PPFIA2: variants seen among roughly 807,000 people sequenced by gnomAD.
PPFIA2 encodes PPFI scaffold protein A2.
PPFIA2 carries 46 observed loss-of-function variants against 175.5 expected under a neutral mutation model. The observed-to-expected ratio is 0.26, with a 90% CI of 0.21 to 0.34. PPFIA2 has a LOEUF of 0.34. PPFIA2 is among the 10% of genes least tolerant of loss of function. PPFIA2 has a pLI of 1.00. For missense variants in PPFIA2, 1,179 were observed against 1,506.1 expected (o/e 0.78, Z 3.60); for synonymous variants, 568 against 511.4 (o/e 1.11, Z -1.49).
At chr12:81,644,325 A>G (rs943188926) in intron 4 of PPFIA2, among the ~76,000 whole-genome samples, 3 of 152,034 alleles carry the variant, frequency 2.0e-5, no homozygotes, top group Admixed American at 6.6e-5. Flanking sequence ...ATCGCTGGTT[A>G]TATGTAAGTT....
At chr12:81,546,741 T>A (rs2067061495) in intron 4 of PPFIA2, among the ~76,000 whole-genome samples, 1 of 152,086 alleles carries the variant, frequency 6.6e-6, no homozygotes, top group Non-Finnish European at 1.5e-5. Context: ...TTTTTTTTTT[T>A]AACATTTCAG....
chr12:81,484,611 G>A (rs576703761), intron 4 of PPFIA2, among the ~76,000 whole-genome samples: 3 of 151,920 alleles, frequency 2.0e-5, no homozygotes, highest in East Asian at 1.9e-4. Flanking sequence ...AGAGTACTAC[G>A]GAAATGAATT....
At chr12:81,677,684 G>A (rs1596313690) in intron 3 of PPFIA2, among the ~76,000 whole-genome samples, 1 of 151,672 alleles carries the variant, frequency 6.6e-6, no homozygotes, top group Admixed American at 6.6e-5. Context: ...TATAACTATG[G>A]TCTACTCTAT....
At position 81,502,599 on chromosome 12, in the gene PPFIA2, T is replaced by C. The variant is rs147909913; in HGVS notation, c.304-44733A>G. On this transcript the variant is annotated intron_variant, in intron 4 of 32. Transcript: ENST00000549396. ...AGGCATATCTGCCTAATACTCTTCA[T>C]TGATGATTCATTCGTTCATCCTAAA... 5.3e-5 allele frequency among the ~76,000 whole-genome samples: 8 copies of C among 152,308 alleles called. 1 individual carries two copies. Among genetic ancestry groups the C allele is most frequent in the African/African-American group, 1.9e-4 (8 of 41,580 alleles).
intron 4 of PPFIA2, among the ~76,000 whole-genome samples, chr12:81,650,735 A>G (rs1227385027): frequency 6.6e-6 from 1 of 152,228 alleles, no homozygotes; most frequent in Admixed American, 6.5e-5. Flanking sequence ...ATTAAGAATC[A>G]AAAGAAATAT....
intron 4 of PPFIA2, among the ~76,000 whole-genome samples, chr12:81,471,759 A>G (rs892418245): frequency 6.6e-6 from 1 of 151,992 alleles, no homozygotes; most frequent in Non-Finnish European, 1.5e-5. Context: ...TTACATTTCC[A>G]CCAACAGTGA....
chr12:81,399,626 T>G (rs1212623323), intron 8 of PPFIA2, among the ~76,000 whole-genome samples: 2 of 152,142 alleles, frequency 1.3e-5, no homozygotes, highest in African/African-American at 4.8e-5. Flanking sequence ...AACCTTACTC[T>G]TTTGGTCCCT....
At chr12:81,399,281 CCTT>C (rs1265515458) in intron 8 of PPFIA2, among the ~76,000 whole-genome samples, 10 of 130,622 alleles carry the variant, frequency 7.7e-5, no homozygotes, top group Non-Finnish European at 1.3e-4. Flanking sequence ...TTGGAAATAT[CCTT>C]CTTCACAAAA....
intron 17 of PPFIA2, among the ~76,000 whole-genome samples, chr12:81,349,450 A>G (rs1220923753): frequency 6.6e-6 from 1 of 152,178 alleles, no homozygotes; most frequent in Non-Finnish European, 1.5e-5. Context: ...TCATGAATGC[A>G]TTTTTTAACT....
At chr12:81,495,732 T>C (rs2059959139) in intron 4 of PPFIA2, among the ~76,000 whole-genome samples, 2 of 152,174 alleles carry the variant, frequency 1.3e-5, no homozygotes, top group Non-Finnish European at 1.5e-5. Flanking sequence ...GGAGAATCAC[T>C]TGGGCCCCAG....
intron 4 of PPFIA2, among the ~76,000 whole-genome samples, chr12:81,663,852 T>A (rs1461193056): frequency 2.0e-5 from 3 of 152,028 alleles, no homozygotes; most frequent in Admixed American, 6.5e-5. Flanking sequence ...TATAGACCAA[T>A]GGAACAGAAT....
chr12:81,527,572 T>G (rs1307164413), intron 4 of PPFIA2, among the ~76,000 whole-genome samples: 2 of 152,130 alleles, frequency 1.3e-5, no homozygotes, highest in Admixed American at 1.3e-4. Flanking sequence ...AATGGAACCT[T>G]CTCAGGCAAG....
chr12:81,561,705 A>G (rs1454403549), intron 4 of PPFIA2, among the ~76,000 whole-genome samples: 1 of 152,222 alleles, frequency 6.6e-6, no homozygotes. Context: ...GGAATTAGTA[A>G]CAGACGCAAG....
intron 5 of PPFIA2, among the ~76,000 whole-genome samples, chr12:81,454,400 T>C (rs369747410): frequency 6.6e-6 from 1 of 152,192 alleles, no homozygotes; most frequent in Non-Finnish European, 1.5e-5. Flanking sequence ...AAGCCATTTA[T>C]AGGCCTGGGA....
chr12:81,481,440 A>G (rs1327967865), intron 4 of PPFIA2, among the ~76,000 whole-genome samples: 3 of 152,120 alleles, frequency 2.0e-5, no homozygotes, highest in East Asian at 1.9e-4. Context: ...CCAAGACAAT[A>G]CTAAACAAAA....
At chr12:81,297,363 T>C (rs2046729960) in intron 23 of PPFIA2, among the ~76,000 whole-genome samples, 1 of 152,126 alleles carries the variant, frequency 6.6e-6, no homozygotes, top group South Asian at 2.1e-4. Context: ...ATCCTTTTAG[T>C]TGAAAAATTC....
At chr12:81,377,745 T>C (rs1213792058) in intron 9 of PPFIA2, among the ~76,000 whole-genome samples, 1 of 152,096 alleles carries the variant, frequency 6.6e-6, no homozygotes, top group Non-Finnish European at 1.5e-5. Flanking sequence ...AATACTTTTA[T>C]TTCTTCCCCT....
intron 3 of PPFIA2, among the ~76,000 whole-genome samples, chr12:81,694,089 G>A (rs1367718440): frequency 6.6e-6 from 1 of 152,042 alleles, no homozygotes; most frequent in African/African-American, 2.4e-5. Flanking sequence ...AATGCATAAA[G>A]TTTGGAAAAT....
At chr12:81,511,342 A>C (rs2061772090) in intron 4 of PPFIA2, among the ~76,000 whole-genome samples, 1 of 152,246 alleles carries the variant, frequency 6.6e-6, no homozygotes, top group African/African-American at 2.4e-5. Context: ...TTGGAAAATT[A>C]TTAAGAAAAT....
Sources: gnomAD v4.1 joint callset for allele counts (sites outside exome capture counted in the v4.1 genomes callset) on GRCh38, gnomAD v4.1.1 for gene constraint, MANE v1.5 for transcripts, NCBI Gene and HGNC (gene_info 2026-07-23, HGNC 2026-07-21) for gene names.